APOB: variants seen among roughly 807,000 people sequenced by gnomAD.
APOB encodes the protein apolipoprotein B-100.
Under a neutral mutation model 314.1 loss-of-function variants are expected in APOB, and 153 were observed. That is an observed-to-expected ratio of 0.49 (90% confidence interval 0.43 to 0.56). APOB has a LOEUF of 0.56. Among genes scored for constraint, APOB ranks in the 20% least tolerant of loss-of-function variants. The pLI, the probability that APOB is intolerant of heterozygous loss-of-function variation, is 0.00. For synonymous variants in APOB, 2,087 were observed against 2,036.4 expected (o/e 1.02, Z -0.67); for missense variants, 5,430 against 5,350.7 (o/e 1.01, Z -0.46).
intron 3 of APOB, 54 bp downstream of exon 3, chr2:21,042,307 A>C: frequency 1.4e-6 from 2 of 1,427,258 alleles, no homozygotes; most frequent in Non-Finnish European, 2.0e-6. Flanking sequence ...CCGCTGGAAC[A>C]GGGCTGGGGG....
chr2:21,042,282 T>A (rs1664148757), intron 3 of APOB, 79 bp downstream of exon 3: 1 of 1,042,182 alleles, frequency 9.6e-7, no homozygotes, highest in East Asian at 2.4e-5. Flanking sequence ...TCCGGGAAGG[T>A]CGCGTGTTGG....
Position 21,044,000 on chromosome 2 carries a change from CCTGG to C in APOB, c.-59_-56del. The C allele has an allele frequency of 2.0e-6, 2 of 986,928 alleles. No individual in the cohort carries two copies. The highest frequency in any genetic ancestry group is 2.6e-6 in the Non-Finnish European group (2 of 770,818). 61.1% of individuals were successfully genotyped at this position (986,928 alleles called of 1,614,324 possible). A position where few individuals can be genotyped will look rare whatever the true frequency, so the allele number is the denominator to read the frequency against. Reference sequence around the variant, plus strand: ...TGCGGCCTGGCCTCGGCCTCGCGGCCCTGGCTGGCTGGGCGGGCTCCTCAGCGGC... The same window carrying C: ...TGCGGCCTGGCCTCGGCCTCGCGGCCCTGGCTGGGCGGGCTCCTCAGCGGC... On this transcript the variant is annotated 5_prime_UTR_variant, in exon 1 of 29. Coordinates refer to ENST00000233242, the MANE Select transcript of APOB (RefSeq NM_000384.3).
At chr2:21,035,390 G>T (rs1191662341) in intron 7 of APOB, among the ~76,000 whole-genome samples, 194 bp downstream of exon 7, 2 of 152,136 alleles carry the variant, frequency 1.3e-5, no homozygotes, top group African/African-American at 2.4e-5. Context: ...GTTGGTCTTG[G>T]ATTGTTTTGC....
rs200113584 is a variant in APOB, at chr2:21,007,512, C to T, written c.9356G>A (p.Gly3119Glu). Residue 3119 changes from glycine to glutamate, a missense_variant, in exon 26 of 29, where the codon GGA becomes GAA. This residue lies in a region of APOB where 3,281 missense variants were observed against 3,171.0 expected (regional missense o/e 1.03). Transcript: ENST00000233242. The stretch of plus-strand genomic sequence containing the variant: ...GTTTAAGAAATCCAGATTTGCTTCT[C>T]CATTTATTCCTACATGGGCCTCCAT... ...NIMEAHVGIN[G>E]EANLDFLNIP... 3.6e-5 allele frequency: 58 copies of T among 1,613,932 alleles called. No individual in the cohort carries two copies. In the African/African-American group the frequency reaches 5.5e-4, roughly 15 times the overall value.
intron 16 of APOB, chr2:21,024,064 T>G (rs944888183): frequency 6.2e-6 from 1 of 162,232 alleles, no homozygotes; most frequent in African/African-American, 2.4e-5. Flanking sequence ...TATATTATGA[T>G]AAAATCAATT....
chr2:21,016,862 T>C (rs1209751310), intron 20 of APOB, among the ~76,000 whole-genome samples: 1 of 151,882 alleles, frequency 6.6e-6, no homozygotes, highest in African/African-American at 2.4e-5. Flanking sequence ...TGGGTGCCTG[T>C]AGTCCCAGCT....
chr2:21,035,029 C>T (rs1210261972), intron 7 of APOB, 128 bp from the exon 8 acceptor site: 4 of 754,988 alleles, frequency 5.3e-6, no homozygotes, highest in African/African-American at 3.4e-5. Flanking sequence ...GTAAATCCAG[C>T]CATTGTTGGC....
In APOB at chr2:21,008,203, A is replaced by G. The variant is rs774855973; in HGVS notation, c.8665T>C (p.Tyr2889His). The G allele has an allele frequency of 5.0e-6, 8 of 1,614,056 alleles. No individual in the cohort carries two copies. In the South Asian group the frequency reaches 7.7e-5, roughly 16 times the overall value. Residue 2889 changes from tyrosine (Y) to histidine (H), a missense_variant, in exon 26 of 29, where the codon TAC (tyrosine) becomes CAC (histidine). By Grantham distance (83) the Tyr-to-His change is moderately conservative. Transcript: ENST00000233242. ...TTGGGGATGTTCAATTTGTGGAAGT[A>G]TTTAGTGTTGCTATCCAGGGTAAGC... ...NQLTLDSNTK[Y>H]FHKLNIPKLD... is the part of the protein sequence containing the mutation.
chr2:21,035,637 A>T lies in APOB; in HGVS notation c.765T>A (p.His255Gln), dbSNP rs543698457. 8.7e-6 allele frequency: 14 copies of T among 1,613,964 alleles called. No individual in the cohort carries two copies. Among genetic ancestry groups the T allele is most frequent in the Non-Finnish European group, 1.2e-5 (14 of 1,180,012 alleles). Residue 255 changes from histidine (H) to glutamine (Q), a missense_variant, in exon 7 of 29, where the codon CAT becomes CAA. Physicochemically the swap from His to Gln is conservative, Grantham distance 24. This residue lies in a region of APOB where 2,085 missense variants were observed against 2,079.7 expected (regional missense o/e 1.00). Transcript: ENST00000233242. ...GCTCCTTGCAGATGGCTTCTGCCAC[A>T]TGCTTCCTCTTAGCGTCCAGTGTGT... ...CQYTLDAKRK[H>Q]VAEAICKEQH...
At chr2:21,004,953 T>C (rs1191833002) in intron 26 of APOB, 127 bp downstream of exon 26, 1 of 1,327,124 alleles carries the variant, frequency 7.5e-7, no homozygotes, top group African/African-American at 1.4e-5. Context: ...ATGTATCTCT[T>C]TTCTTACTTA....
intron 18 of APOB, among the ~76,000 whole-genome samples, chr2:21,022,212 T>A (rs1025196347): frequency 6.6e-6 from 1 of 152,134 alleles, no homozygotes; most frequent in Non-Finnish European, 1.5e-5. Flanking sequence ...AAGCGATCCA[T>A]CCACCTGGGG....
intron 10 of APOB, among the ~76,000 whole-genome samples, chr2:21,030,483 T>C (rs1663845925): frequency 6.6e-6 from 1 of 152,132 alleles, no homozygotes; most frequent in African/African-American, 2.4e-5. Context: ...ATATAAGACC[T>C]GAGACTATAA....
intron 18 of APOB, among the ~76,000 whole-genome samples, chr2:21,022,041 G>A (rs2103369258): frequency 6.6e-6 from 1 of 152,278 alleles, no homozygotes; most frequent in Non-Finnish European, 1.5e-5. Flanking sequence ...CTGAAGGCTT[G>A]AACTCTTGGG....
chr2:21,006,041 G>A lies in APOB; in HGVS notation c.10827C>T (p.Ser3609=), dbSNP rs1314676636. The change falls in exon 26 of 29, where the codon TCC becomes TCT. Residue 3609 remains serine (S), a synonymous_variant. Transcript: ENST00000233242. The part of the protein sequence containing the change: ...LVQVHASQPS[S]FHDFPDLGQE... ...GGCCAAGGTCAGGGAAATCATGGAA[G>A]GAACTGGGCTGACTTGCATGGACCT... The A allele has an allele frequency of 6.2e-7, 1 of 1,613,888 alleles. No individual in the cohort carries two copies. The highest frequency in any genetic ancestry group is 8.5e-7 in the Non-Finnish European group (1 of 1,179,952).
chr2:21,036,812 C>T (rs978529990), intron 6 of APOB, among the ~76,000 whole-genome samples: 1 of 152,108 alleles, frequency 6.6e-6, no homozygotes, highest in Non-Finnish European at 1.5e-5. Flanking sequence ...TCATTACTCT[C>T]AAGTGATGAG....
chr2:21,029,103 C>A (rs1319239672), intron 12 of APOB, among the ~76,000 whole-genome samples: 1 of 152,202 alleles, frequency 6.6e-6, no homozygotes, highest in Non-Finnish European at 1.5e-5. Flanking sequence ...ATTTCTCTCA[C>A]GTCACATACT....
At position 21,015,388 on chromosome 2, in the gene APOB, T is replaced by C. The variant is rs149660265; in HGVS notation, c.3490A>G (p.Arg1164Gly). ...ATAYGSTVSK[R>G]VAWHYDEEKI... ...CACATACCATAATGCCATGCCACCC[T>C]CTTGGAAACTGTGGAGCCATAAGCT... The change falls in exon 22 of 29, where the codon AGG becomes GGG. Residue 1164 changes from arginine to glycine, a missense_variant. By Grantham distance (125) the Arg-to-Gly change is moderately radical. Around this residue, in one of 3 missense-constraint regions of APOB, gnomAD observed 2,085 missense variants for 2,079.7 expected, o/e 1.00. Coordinates refer to ENST00000233242, the MANE Select transcript of APOB (RefSeq NM_000384.3). 47 of 1,614,194 alleles carry C rather than the reference T, an allele frequency of 2.9e-5. No individual in the cohort carries two copies. The Middle Eastern group carries it at 1.6e-3, about 57-fold the overall frequency.
Position 21,009,265 on chromosome 2 carries a change from A to G in APOB, c.7603T>C (p.Tyr2535His), listed in dbSNP as rs146593015. The G allele has an allele frequency of 2.5e-5, 41 of 1,614,002 alleles. No individual in the cohort carries two copies. Among genetic ancestry groups the G allele is most frequent in the Non-Finnish European group, 3.2e-5 (38 of 1,179,976 alleles). ...TAAACCTGGCCTACCAGAGACAGGT[A>G]TCGTTGAAGTTCCTGCTGAATGTCC... Reference protein sequence around the residue: ...QMDIQQELQRYLSLVGQVYST... With the variant: ...QMDIQQELQRHLSLVGQVYST... Residue 2535 changes from tyrosine (Y) to histidine (H), a missense_variant, in exon 26 of 29, where the codon TAC becomes CAC. This residue lies in a region of APOB where 3,281 missense variants were observed against 3,171.0 expected (regional missense o/e 1.03). Coordinates refer to ENST00000233242, the MANE Select transcript of APOB (RefSeq NM_000384.3).
chr2:21,013,413 G>A lies in APOB; in HGVS notation c.3963C>T (p.Leu1321=). ...KMLETVRTPA[L]HFKSVGFHLP... is the part of the protein sequence containing the mutation. ...GATGGAATCCCACAGACTTGAAGTG[G>A]AGGGCTGGTGTCCTAACAGTCTCTA... The change falls in exon 25 of 29, where the codon CTC becomes CTT. Residue 1321 remains leucine (L), a synonymous_variant. Coordinates refer to ENST00000233242, the MANE Select transcript of APOB (RefSeq NM_000384.3). 6.2e-7 allele frequency: 1 copy of A among 1,614,248 alleles called. No individual in the cohort carries two copies. Among genetic ancestry groups the A allele is most frequent in the Non-Finnish European group, 8.5e-7 (1 of 1,180,034 alleles).
Sources: gnomAD v4.1 joint callset for allele counts (sites outside exome capture counted in the v4.1 genomes callset) on GRCh38, gnomAD v4.1.1 for gene constraint, gnomAD v4.1.1 regional missense constraint, MANE v1.5 for transcripts, NCBI Gene and HGNC (gene_info 2026-07-23, HGNC 2026-07-21) for gene names.